PLCL2: variants seen among roughly 807,000 people sequenced by gnomAD.
PLCL2 encodes the protein inactive phospholipase C-like protein 2.
A neutral mutation model predicts 79.6 loss-of-function variants in PLCL2; 4 were observed. The ratio of observed to expected loss-of-function variants is 0.05; its 90% CI spans 0.02 to 0.11. The LOEUF is 0.11. Ranked by LOEUF, PLCL2 falls within the 10% of genes least tolerant of loss-of-function variation. PLCL2 has a pLI of 1.00. For synonymous variants in PLCL2, 484 were observed against 457.7 expected, an observed-to-expected ratio of 1.06 and a Z score of -0.73; for missense variants, 895 against 1,291.0, an observed-to-expected ratio of 0.69 and a Z score of 4.70.
intron 1 of PLCL2, among the ~76,000 whole-genome samples, chr3:16,935,917 A>G (rs189729072): frequency 2.0e-5 from 3 of 152,358 alleles, no homozygotes; most frequent in Admixed American, 1.3e-4. Flanking sequence ...ATGTAGTGCA[A>G]CCTGCATTTC....
chr3:16,944,946 G>C (rs2063586847), intron 1 of PLCL2, among the ~76,000 whole-genome samples: 1 of 152,164 alleles, frequency 6.6e-6, no homozygotes, highest in East Asian at 1.9e-4. Flanking sequence ...TTTTAGTAGA[G>C]ACGGGGTTTC....
At chr3:17,056,987 A>G (rs1421384374) in intron 4 of PLCL2, among the ~76,000 whole-genome samples, 1 of 152,214 alleles carries the variant, frequency 6.6e-6, no homozygotes, top group Non-Finnish European at 1.5e-5. Flanking sequence ...CTTTCAGTGC[A>G]CATGAAATAT....
intron 3 of PLCL2, among the ~76,000 whole-genome samples, chr3:17,018,235 C>T (rs1268256747): frequency 6.6e-6 from 1 of 152,108 alleles, no homozygotes; most frequent in Non-Finnish European, 1.5e-5. Context: ...ACCCTTCTTC[C>T]TCCCAATGGT....
intron 1 of PLCL2, among the ~76,000 whole-genome samples, chr3:17,003,898 C>T (rs2064234205): frequency 6.6e-6 from 1 of 152,108 alleles, no homozygotes; most frequent in Non-Finnish European, 1.5e-5. Flanking sequence ...CTCAGGAGCA[C>T]CCATGGAGAA....
chr3:17,007,615 C>A (rs939889411), intron 1 of PLCL2, among the ~76,000 whole-genome samples: 6 of 152,034 alleles, frequency 3.9e-5, no homozygotes, highest in Non-Finnish European at 7.4e-5. Context: ...GAAAATGATA[C>A]CCATATGATT....
intron 1 of PLCL2, among the ~76,000 whole-genome samples, chr3:16,968,217 T>G (rs891100313): frequency 6.6e-5 from 10 of 152,030 alleles, no homozygotes; most frequent in African/African-American, 2.4e-4. Context: ...TTATATTTTA[T>G]TTGCTTAGGT....
chr3:16,908,872 A>G (rs1328571691), intron 1 of PLCL2, among the ~76,000 whole-genome samples: 1 of 152,246 alleles, frequency 6.6e-6, no homozygotes. Flanking sequence ...TATATAATGT[A>G]TCAACATACA....
At chr3:17,072,913 C>T (rs1020726982) in intron 5 of PLCL2, among the ~76,000 whole-genome samples, 41 of 152,120 alleles carry the variant, frequency 2.7e-4, no homozygotes, top group African/African-American at 9.7e-4. Flanking sequence ...GGTGTCTTTG[C>T]CAGGCTTCTT....
At chr3:17,035,762 T>C (rs1285118171) in intron 3 of PLCL2, 2 of 516,716 alleles carry the variant, frequency 3.9e-6, no homozygotes, top group South Asian at 1.4e-5. Context: ...CATGTTTCCT[T>C]ACATTCTCTA....
intron 1 of PLCL2, among the ~76,000 whole-genome samples, chr3:16,962,326 G>C (rs899636748): frequency 1.3e-5 from 2 of 151,994 alleles, no homozygotes; most frequent in Non-Finnish European, 2.9e-5. Flanking sequence ...CTCTCTCCTT[G>C]AGTGATGACC....
intron 1 of PLCL2, among the ~76,000 whole-genome samples, chr3:16,981,123 G>A (rs1288176151): frequency 2.7e-5 from 4 of 149,844 alleles, no homozygotes; most frequent in Non-Finnish European, 4.4e-5. Flanking sequence ...GAGGGAGACC[G>A]TGGAAAGAGA....
chr3:17,001,268 T>A (rs1246444873), intron 1 of PLCL2, among the ~76,000 whole-genome samples: 1 of 152,002 alleles, frequency 6.6e-6, no homozygotes, highest in Non-Finnish European at 1.5e-5. Context: ...TTGCTGCTGT[T>A]ATTAATGCCT....
At chr3:17,008,763 A>T (rs2064289749) in intron 1 of PLCL2, among the ~76,000 whole-genome samples, 1 of 152,058 alleles carries the variant, frequency 6.6e-6, no homozygotes, top group Non-Finnish European at 1.5e-5. Context: ...ATTCTTAATA[A>T]TTTTTAATCA....
At chr3:16,997,295 A>C (rs1484379638) in intron 1 of PLCL2, among the ~76,000 whole-genome samples, 1 of 152,186 alleles carries the variant, frequency 6.6e-6, no homozygotes, top group Non-Finnish European at 1.5e-5. Flanking sequence ...AAACAATTAG[A>C]TAACTGAATA....
At chr3:17,024,980 T>C (rs151203557) in intron 3 of PLCL2, among the ~76,000 whole-genome samples, 24 of 152,234 alleles carry the variant, frequency 1.6e-4, no homozygotes, top group African/African-American at 5.3e-4. Context: ...GTGGGCCCCG[T>C]TTGAAACCCC....
rs139234593 is a variant in PLCL2, at chr3:16,948,488, G to T, written c.328-61186G>T. The stretch of plus-strand genomic sequence containing the variant: ...CTCTGTGAATATACTAAAAGTCATT[G>T]AATTGTACACTTTAAATAGATGTAT... On this transcript the variant is annotated intron_variant, in intron 1 of 5. Coordinates refer to ENST00000615277, the MANE Select transcript of PLCL2 (RefSeq NM_001144382.2). Among the ~76,000 whole-genome samples the T allele has an allele frequency of 9.4e-4, 143 of 152,306 alleles. 2 individuals carry two copies. In the East Asian group the frequency reaches 0.026, roughly 28 times the overall value.
chr3:17,085,704 C>A (rs2065211928), intron 5 of PLCL2, among the ~76,000 whole-genome samples: 1 of 152,148 alleles, frequency 6.6e-6, no homozygotes, highest in East Asian at 1.9e-4. Context: ...CCGCCTCGGC[C>A]TCCCAAAGTG....
At chr3:17,021,927 A>G (rs2064459196) in intron 3 of PLCL2, among the ~76,000 whole-genome samples, 1 of 152,212 alleles carries the variant, frequency 6.6e-6, no homozygotes, top group Non-Finnish European at 1.5e-5. Flanking sequence ...GGTGCCATCC[A>G]GCCCTATTGG....
intron 1 of PLCL2, among the ~76,000 whole-genome samples, chr3:16,899,082 A>G (rs1289379697): frequency 6.6e-6 from 1 of 152,254 alleles, no homozygotes; most frequent in Non-Finnish European, 1.5e-5. Flanking sequence ...GGAAAGGTAC[A>G]GTAAGCTGCA....
Sources: allele counts gnomAD v4.1 joint callset (sites outside exome capture counted in the v4.1 genomes callset), GRCh38; gene constraint gnomAD v4.1.1; transcripts MANE v1.5; gene names NCBI Gene and HGNC (gene_info 2026-07-23, HGNC 2026-07-21).